UBAC2: variants seen among roughly 807,000 people sequenced by gnomAD.
UBAC2 encodes UBA domain containing 2, also known as ubiquitin-associated domain-containing protein 2.
In UBAC2, 26 loss-of-function variants were observed where a neutral mutation model predicts 44.0. The observed-to-expected ratio is 0.59, with a 90% confidence interval of 0.43 to 0.82. The LOEUF is 0.82. Ranked by LOEUF, UBAC2 falls within the 40% of genes least tolerant of loss-of-function variation. The pLI is 0.00. For synonymous variants in UBAC2, 155 were observed against 154.3 expected (o/e 1.00, Z -0.04); for missense variants, 329 against 419.4 (o/e 0.78, Z 1.88).
At chr13:99,355,716 G>GA (rs2045169683) in intron 7 of UBAC2, among the ~76,000 whole-genome samples, 1 of 152,242 alleles carries the variant, frequency 6.6e-6, no homozygotes, top group South Asian at 2.1e-4. Context: ...CAAAACAAAC[G>GA]AGAGCCAGGA....
At position 99,295,124 on chromosome 13, in the gene UBAC2, T is replaced by C. The variant is rs764017668; in HGVS notation, c.390-18973T>C. On this transcript the variant is annotated intron_variant, in intron 4 of 8. Transcript: ENST00000403766. This position sits in a 1 kb window ranked among gnomAD's most constrained non-coding sequence, Gnocchi z 4.1. ...CGTTTCTGTCATTTCACGTGAATTTTCTTCAGGGGCTGACTTCACAGCACT... is the reference window on the plus strand; with the variant it reads ...CGTTTCTGTCATTTCACGTGAATTTCCTTCAGGGGCTGACTTCACAGCACT... 4 of 1,613,970 alleles carry C rather than the reference T, an allele frequency of 2.5e-6. No individual in the cohort carries two copies. The highest frequency in any genetic ancestry group is 1.1e-5 in the South Asian group (1 of 91,060).
chr13:99,242,927 G>GACGCTCCTCACTTCCCATC (rs1289454869), intron 2 of UBAC2, among the ~76,000 whole-genome samples: 11 of 150,714 alleles, frequency 7.3e-5, no homozygotes, highest in Non-Finnish European at 1.5e-4. Context: ...GCCGGGTAGA[G>GACGCTCCTCACTTCCCATC]ACGCTCCTCA....
chr13:99,245,458 C>A (rs78434948), intron 4 of UBAC2, among the ~76,000 whole-genome samples: 12 of 152,078 alleles, frequency 7.9e-5, no homozygotes, highest in African/African-American at 2.9e-4. Context: ...TTTCATATTG[C>A]GTTGATCTTC....
intron 4 of UBAC2, among the ~76,000 whole-genome samples, chr13:99,265,585 T>C (rs2043732156): frequency 6.6e-6 from 1 of 152,206 alleles, no homozygotes; most frequent in Admixed American, 6.5e-5. Flanking sequence ...CTTTCACCCC[T>C]TTTCTTCTTC....
At chr13:99,227,311 G>C (rs1211152384) in intron 1 of UBAC2, among the ~76,000 whole-genome samples, 1 of 152,128 alleles carries the variant, frequency 6.6e-6, no homozygotes, top group Non-Finnish European at 1.5e-5. Context: ...TCTCACTGGT[G>C]TTCCATCTCC....
chr13:99,284,772 C>T (rs1490114909), intron 4 of UBAC2, among the ~76,000 whole-genome samples: 1 of 152,184 alleles, frequency 6.6e-6, no homozygotes, highest in African/African-American at 2.4e-5. Context: ...GCGACCTTGG[C>T]ATTTTTGAAG....
rs944690234 is a variant in UBAC2, at chr13:99,385,096, A to G, written c.928-132A>G. 1.8e-4 allele frequency: 118 copies of G among 654,354 alleles called. 1 individual carries two copies. The South Asian group carries it at 2.1e-3, about 12-fold the overall frequency. The allele number at this position is 654,354 out of a possible 1,614,324, so 40.5% of individuals were successfully genotyped here. On this transcript the variant is annotated intron_variant, in intron 8 of 8. Transcript: ENST00000403766. ...ATAACTTTTAAGTATCAGATTCCAT[A>G]TTGAAATGAAAATTGGTTTTTTTGT...
At position 99,385,318 on chromosome 13, in the gene UBAC2, T is replaced by C; in HGVS notation, c.1018T>C (p.Phe340Leu). The change falls in exon 9 of 9, where the codon TTC becomes CTC. Residue 340 changes from phenylalanine (F) to leucine (L), a missense_variant. Physicochemically the swap from Phe to Leu is conservative, Grantham distance 22. Coordinates refer to ENST00000403766, the MANE Select transcript of UBAC2 (RefSeq NM_001144072.2). ...SNNDLNVATN[F>L]LLQH Reference sequence around the variant, plus strand: ...CAATGACCTCAATGTCGCCACCAACTTCCTGCTGCAGCACTGATAGTCCCA... The same window carrying C: ...CAATGACCTCAATGTCGCCACCAACCTCCTGCTGCAGCACTGATAGTCCCA... The C allele has an allele frequency of 6.2e-7, 1 of 1,613,976 alleles. No individual in the cohort carries two copies. Among genetic ancestry groups the C allele is most frequent in the Non-Finnish European group, 8.5e-7 (1 of 1,179,940 alleles).
At position 99,314,168 on chromosome 13, in the gene UBAC2, T is replaced by C. The variant is rs1490000056; in HGVS notation, c.461T>C (p.Leu154Pro). The C allele has an allele frequency of 6.2e-7, 1 of 1,613,754 alleles. No individual in the cohort carries two copies. Among genetic ancestry groups the C allele is most frequent in the African/African-American group, 1.3e-5 (1 of 74,876 alleles). Reference protein sequence around the residue: ...SIPRVQVAQILGPLSITNKTL... With the variant: ...SIPRVQVAQIPGPLSITNKTL... ...CCAAGAGTCCAAGTGGCACAAATTC[T>C]GGGTCCGTTGTCCATCACAAACAAG... Residue 154 changes from leucine to proline, a missense_variant, in exon 5 of 9, where the codon CTG (leucine) becomes CCG (proline). Transcript: ENST00000403766.
At chr13:99,247,888 T>C (rs1263624714) in intron 4 of UBAC2, among the ~76,000 whole-genome samples, 2 of 147,194 alleles carry the variant, frequency 1.4e-5, no homozygotes, top group Non-Finnish European at 3.0e-5. Flanking sequence ...TTTTTTTACC[T>C]CACCACTATA....
At position 99,317,558 on chromosome 13, in the gene UBAC2, A is replaced by G. The variant is rs144178890; in HGVS notation, c.514-464A>G. 8.2e-3 allele frequency among the ~76,000 whole-genome samples: 1,245 copies of G among 152,342 alleles called. 12 individuals carry two copies. Among genetic ancestry groups the G allele is most frequent in the South Asian group, 0.056 (272 of 4,832 alleles). ...TGGACATAGACCTAAGTAGGCTGGC[A>G]GGGTTCTTCCCATCTAAATTTAGGG... On this transcript the variant is annotated intron_variant, in intron 5 of 8. Coordinates refer to ENST00000403766, the MANE Select transcript of UBAC2 (RefSeq NM_001144072.2).
In UBAC2 at chr13:99,295,834, A is replaced by G. The variant is rs1286324623; in HGVS notation, c.390-18263A>G. ...TGTAAAACACTAGCGCAGTTATCCT[A>G]CACAAGGCATCTCCGATTCTCCAGT... is the stretch of plus-strand genomic sequence containing the variant. On this transcript the variant is annotated intron_variant, in intron 4 of 8. Transcript: ENST00000403766. This position sits in a 1 kb window ranked among gnomAD's most constrained non-coding sequence, Gnocchi z 4.1. 1.2e-6 allele frequency: 2 copies of G among 1,607,008 alleles called. No individual in the cohort carries two copies. Among genetic ancestry groups the G allele is most frequent in the South Asian group, 1.1e-5 (1 of 90,268 alleles).
chr13:99,317,019 C>T (rs530763137), intron 5 of UBAC2, among the ~76,000 whole-genome samples: 17 of 152,310 alleles, frequency 1.1e-4, no homozygotes, highest in Middle Eastern at 3.4e-3. Flanking sequence ...AACAAACGTC[C>T]GTGCTACATC....
intron 4 of UBAC2, among the ~76,000 whole-genome samples, chr13:99,254,047 C>A (rs1224660068): frequency 6.6e-6 from 1 of 152,046 alleles, no homozygotes; most frequent in African/African-American, 2.4e-5. Context: ...AATGGCAAGG[C>A]TAAGAAATCC....
intron 4 of UBAC2, among the ~76,000 whole-genome samples, chr13:99,253,971 T>A (rs916357469): frequency 6.6e-6 from 1 of 152,230 alleles, no homozygotes; most frequent in Admixed American, 6.5e-5. Context: ...CTTTACAGAT[T>A]ATAGTTCAGT....
chr13:99,287,649 T>C lies in UBAC2; in HGVS notation c.390-26448T>C, dbSNP rs1229129133. On this transcript the variant is annotated intron_variant, in intron 4 of 8. Transcript: ENST00000403766. ...TCTTCTTTTTTTTTTCTTTCTTTTT[T>C]TTTTTTTTTTTTTTTGGTAGAGACG... Among the ~76,000 whole-genome samples the C allele has an allele frequency of 6.6e-4, 70 of 105,566 alleles. 1 individual carries two copies. The Middle Eastern group carries it at 0.012, about 19-fold the overall frequency. The allele number at this position is 105,566 out of a possible 152,430, so 69.3% of individuals were successfully genotyped here.
chr13:99,228,626 C>G (rs912476658), intron 1 of UBAC2, among the ~76,000 whole-genome samples: 1 of 152,080 alleles, frequency 6.6e-6, no homozygotes, highest in Non-Finnish European at 1.5e-5. Flanking sequence ...ATTTTCTTCT[C>G]GTAACACTTT....
At chr13:99,351,111 A>G (rs1257689806) in intron 7 of UBAC2, among the ~76,000 whole-genome samples, 7 of 152,348 alleles carry the variant, frequency 4.6e-5, no homozygotes, top group East Asian at 3.9e-4. Flanking sequence ...AGGGACATCT[A>G]TACACAATCT....
At chr13:99,211,922 T>C (rs1265147417) in intron 1 of UBAC2, among the ~76,000 whole-genome samples, 1 of 152,216 alleles carries the variant, frequency 6.6e-6, no homozygotes, top group Non-Finnish European at 1.5e-5. Flanking sequence ...TCCTGGGTTC[T>C]ACCATGCTCC....
Sources: allele counts gnomAD v4.1 joint callset (sites outside exome capture counted in the v4.1 genomes callset), GRCh38; gene constraint gnomAD v4.1.1; non-coding constraint Gnocchi (gnomAD v3.1); transcripts MANE v1.5; gene names NCBI Gene and HGNC (gene_info 2026-07-23, HGNC 2026-07-21).